SGK1: variants seen among roughly 807,000 people sequenced by gnomAD.
The protein encoded by SGK1 is serum/glucocorticoid regulated kinase 1.
In SGK1, 26 loss-of-function variants were observed where a neutral mutation model predicts 64.2. The observed-to-expected ratio is 0.40, with a 90% confidence interval of 0.30 to 0.56. The LOEUF is 0.56. Ranked by LOEUF, SGK1 falls within the 20% of genes least tolerant of loss-of-function variation. The pLI is 0.38. For missense variants in SGK1, 519 were observed against 645.6 expected, an observed-to-expected ratio of 0.80 and a Z score of 2.12; for synonymous variants, 265 against 239.7, an observed-to-expected ratio of 1.11 and a Z score of -0.98.
Position 134,271,586 on chromosome 6 carries a change from A to C in SGK1, c.70-9438T>G, listed in dbSNP as rs1315661390. Among the ~76,000 whole-genome samples the C allele has an allele frequency of 2.0e-5, 3 of 147,436 alleles. 1 individual carries two copies. The Admixed American group carries it at 2.1e-4, about 10-fold the overall frequency. On this transcript the variant is annotated intron_variant, in intron 1 of 13. Transcript: ENST00000367858. Reference sequence around the variant, plus strand: ...AACAACTTCCTCCCCTCTTTCCTCCAAGAAATCCCCTTTTCCAGTGTTTTT... The same window carrying C: ...AACAACTTCCTCCCCTCTTTCCTCCCAGAAATCCCCTTTTCCAGTGTTTTT...
intron 1 of SGK1, among the ~76,000 whole-genome samples, chr6:134,284,003 C>T (rs557477980): frequency 6.8e-6 from 1 of 148,032 alleles, no homozygotes; most frequent in Admixed American, 6.8e-5. Context: ...TATCTCTTTA[C>T]AATTTTATTT....
intron 1 of SGK1, among the ~76,000 whole-genome samples, chr6:134,265,619 C>T (rs9483668): frequency 7.7e-6 from 1 of 129,854 alleles, no homozygotes; most frequent in East Asian, 2.2e-4. Context: ...TATATATATA[C>T]ATATATATAT....
intron 3 of SGK1, among the ~76,000 whole-genome samples, chr6:134,198,098 G>A (rs985415029): frequency 1.3e-5 from 2 of 152,094 alleles, no homozygotes; most frequent in African/African-American, 4.8e-5. Context: ...TCTTATGACT[G>A]TGTCCTTGTT....
chr6:134,293,241 G>A (rs1284657945), intron 1 of SGK1, among the ~76,000 whole-genome samples: 1 of 152,150 alleles, frequency 6.6e-6, no homozygotes, highest in Admixed American at 6.5e-5. Flanking sequence ...GTCTTAAATA[G>A]TTACAACTTA....
chr6:134,244,446 T>G (rs575691911), intron 2 of SGK1, among the ~76,000 whole-genome samples: 57 of 152,318 alleles, frequency 3.7e-4, no homozygotes, highest in Middle Eastern at 3.4e-3. Context: ...TGCACGTGTC[T>G]TTATAGTAGA....
chr6:134,192,283 T>C (rs79494119), intron 3 of SGK1, among the ~76,000 whole-genome samples: 4,585 of 151,990 alleles, frequency 0.03, 210 homozygotes, highest in African/African-American at 0.1. Context: ...AAAATTTTAA[T>C]CAGTGGGAAA....
intron 2 of SGK1, among the ~76,000 whole-genome samples, chr6:134,236,193 A>G (rs1004904187): frequency 6.6e-6 from 1 of 152,220 alleles, no homozygotes; most frequent in Non-Finnish European, 1.5e-5. Flanking sequence ...TCCAGGAACT[A>G]GAATTTAAGA....
chr6:134,298,198 T>C, intron 1 of SGK1: 1 of 1,541,998 alleles, frequency 6.5e-7, no homozygotes, highest in Non-Finnish European at 8.9e-7. Flanking sequence ...CCCCTGCATG[T>C]TGCCAAGCTC....
intron 3 of SGK1, chr6:134,177,934 TA>T: frequency 9.1e-7 from 1 of 1,095,090 alleles, no homozygotes; most frequent in Admixed American, 2.7e-5. Context: ...CTGGGCCATT[TA>T]TTCTCCCCAT....
chr6:134,286,243 C>T (rs117020129), intron 1 of SGK1, among the ~76,000 whole-genome samples: 2,143 of 152,210 alleles, frequency 0.014, 22 homozygotes, highest in South Asian at 0.036. Context: ...ATTTGGGCTG[C>T]GCCTCGTGGC....
At chr6:134,268,829 C>T (rs1348657628) in intron 1 of SGK1, among the ~76,000 whole-genome samples, 2 of 146,060 alleles carry the variant, frequency 1.4e-5, no homozygotes, top group Admixed American at 1.4e-4. Flanking sequence ...CCGGGGTGAA[C>T]CAGTAAGGCC....
At chr6:134,317,184 C>A (rs1041284217) in intron 1 of SGK1, among the ~76,000 whole-genome samples, 1 of 152,130 alleles carries the variant, frequency 6.6e-6, no homozygotes, top group Non-Finnish European at 1.5e-5. Context: ...CAACCCCCTC[C>A]TCCCAATGCA....
At chr6:134,285,585 G>T (rs1270304719) in intron 1 of SGK1, among the ~76,000 whole-genome samples, 1 of 150,982 alleles carries the variant, frequency 6.6e-6, no homozygotes, top group African/African-American at 2.4e-5. Flanking sequence ...GAGTAAAGTG[G>T]TATCTAATTG....
At chr6:134,196,103 A>T (rs1775590519) in intron 3 of SGK1, among the ~76,000 whole-genome samples, 1 of 152,214 alleles carries the variant, frequency 6.6e-6, no homozygotes, top group Admixed American at 6.5e-5. Context: ...AAAATTCTAT[A>T]ATCTATTATT....
intron 10 of SGK1, 135 bp from the exon 11 acceptor site, chr6:134,171,867 A>G (rs1036909910): frequency 3.0e-6 from 2 of 660,334 alleles, no homozygotes; most frequent in African/African-American, 3.6e-5. Context: ...CCTTCCTGAT[A>G]AAACTGCTGG....
intron 3 of SGK1, among the ~76,000 whole-genome samples, chr6:134,201,524 G>C (rs1775684340): frequency 6.6e-6 from 1 of 151,864 alleles, no homozygotes; most frequent in South Asian, 2.1e-4. Context: ...ACCAGGCCTA[G>C]CTAATTTTTG....
intron 2 of SGK1, among the ~76,000 whole-genome samples, chr6:134,232,461 AAG>A (rs1230315192): frequency 1.6e-5 from 1 of 60,930 alleles, no homozygotes; most frequent in Admixed American, 1.3e-4. Flanking sequence ...GAAAGAAAGA[AAG>A]AAAGAAAGAA....
chr6:134,193,756 T>C (rs974201610), intron 3 of SGK1, among the ~76,000 whole-genome samples: 9 of 60,348 alleles, frequency 1.5e-4, no homozygotes, highest in Admixed American at 4.6e-4. Context: ...CAAGGAACAG[T>C]TAAAAAAGAA....
chr6:134,172,473 G>T, intron 9 of SGK1, 157 bp from the exon 10 acceptor site: 1 of 819,238 alleles, frequency 1.2e-6, no homozygotes, highest in Non-Finnish European at 1.9e-6. Context: ...CATCTATTCT[G>T]GATTAGGCAC....
Sources: gnomAD v4.1 joint callset for allele counts (sites outside exome capture counted in the v4.1 genomes callset) on GRCh38, gnomAD v4.1.1 for gene constraint, MANE v1.5 for transcripts, NCBI Gene and HGNC (gene_info 2026-07-23, HGNC 2026-07-21) for gene names.